PDE8A: variants seen among roughly 807,000 people sequenced by gnomAD.
PDE8A encodes the protein high affinity cAMP-specific and IBMX-insensitive 3',5'-cyclic phosphodiesterase 8A.
A neutral mutation model predicts 105.0 loss-of-function variants in PDE8A; 59 were observed. That is an observed-to-expected ratio of 0.56 (90% CI 0.46 to 0.70). The LOEUF (loss-of-function observed/expected upper bound fraction) is 0.70. Among genes scored for constraint, PDE8A ranks in the 30% least tolerant of loss-of-function variants. The pLI, the probability that PDE8A is intolerant of heterozygous loss-of-function variation, is 0.00. For synonymous variants in PDE8A, 355 were observed against 371.9 expected, an observed-to-expected ratio of 0.95 and a Z score of 0.52; for missense variants, 1,014 against 1,045.9, an observed-to-expected ratio of 0.97 and a Z score of 0.42.
chr15:85,064,543 A>C (rs1424476302), intron 2 of PDE8A, 117 bp downstream of exon 2: 2 of 670,684 alleles, frequency 3.0e-6, no homozygotes, highest in Admixed American at 2.7e-5. Context: ...GTTTGGACCA[A>C]TGTTAAATTC....
chr15:84,994,927 A>G (rs1596415155), intron 1 of PDE8A, among the ~76,000 whole-genome samples: 1 of 151,466 alleles, frequency 6.6e-6, no homozygotes, highest in Non-Finnish European at 1.5e-5. Flanking sequence ...ACACCATTGC[A>G]CTCCAGCCTG....
intron 11 of PDE8A, among the ~76,000 whole-genome samples, chr15:85,105,884 C>G (rs924877811): frequency 6.6e-6 from 1 of 152,156 alleles, no homozygotes; most frequent in Non-Finnish European, 1.5e-5. Flanking sequence ...ACTTCATCTT[C>G]AACCTCTTGG....
At chr15:85,045,933 C>T (rs933564224) in intron 1 of PDE8A, among the ~76,000 whole-genome samples, 7 of 152,008 alleles carry the variant, frequency 4.6e-5, no homozygotes, top group Non-Finnish European at 1.0e-4. Flanking sequence ...GTTTTGTATA[C>T]AATTAATGTA....
At chr15:85,062,716 A>G (rs1433068728) in intron 1 of PDE8A, 1 of 152,226 alleles carries the variant, frequency 6.6e-6, no homozygotes, top group Non-Finnish European at 1.5e-5. Context: ...GGTACCTGCT[A>G]TGTGCTAAGA....
At chr15:84,991,579 A>G (rs1414542338) in intron 1 of PDE8A, among the ~76,000 whole-genome samples, 1 of 152,208 alleles carries the variant, frequency 6.6e-6, no homozygotes, top group African/African-American at 2.4e-5. Flanking sequence ...TGACCCTGTG[A>G]CATAGCAGCT....
intron 1 of PDE8A, among the ~76,000 whole-genome samples, chr15:85,009,864 A>G (rs1369352525): frequency 6.6e-6 from 1 of 152,270 alleles, no homozygotes; most frequent in African/African-American, 2.4e-5. Flanking sequence ...CGTACTAGCT[A>G]AAAACTAGAA....
chr15:84,992,030 C>T (rs62022528), intron 1 of PDE8A, among the ~76,000 whole-genome samples: 29,708 of 152,216 alleles, frequency 0.2, 3,860 homozygotes, highest in Middle Eastern at 0.32. Context: ...GTAATACACA[C>T]ATAGGTGTTA....
chr15:85,006,782 G>A (rs781401452), intron 1 of PDE8A, among the ~76,000 whole-genome samples: 6 of 152,018 alleles, frequency 3.9e-5, no homozygotes, highest in Non-Finnish European at 8.8e-5. Flanking sequence ...GAGGGAATTA[G>A]GCTACTGTAT....
intron 11 of PDE8A, among the ~76,000 whole-genome samples, chr15:85,102,972 G>A (rs1250174983): frequency 1.3e-5 from 2 of 152,032 alleles, no homozygotes; most frequent in East Asian, 3.9e-4. Context: ...TCTAATCCTA[G>A]CACTTTGGGA....
intron 1 of PDE8A, among the ~76,000 whole-genome samples, chr15:84,998,444 G>A (rs2080014367): frequency 6.6e-6 from 1 of 152,214 alleles, no homozygotes; most frequent in Admixed American, 6.5e-5. Context: ...CAATAAAGAA[G>A]TTGAACACTT....
rs1025858688 is a variant in PDE8A, at chr15:85,002,702, C to G, written c.186+20354C>G. Among the ~76,000 whole-genome samples the G allele has an allele frequency of 2.0e-5, 3 of 152,144 alleles. No homozygotes were observed. In the East Asian group the frequency reaches 5.8e-4, roughly 29 times the overall value. On this transcript the variant is annotated intron_variant, in intron 1 of 21. Coordinates refer to ENST00000394553, the MANE Select transcript of PDE8A (RefSeq NM_002605.3). The stretch of plus-strand genomic sequence containing the variant: ...GGGGAGGTATGCTGAAAATCCCAAC[C>G]CTTTAATCCTGTGGTTGCTTGCTGT...
At chr15:85,130,539 C>T (rs1394409640) in intron 20 of PDE8A, among the ~76,000 whole-genome samples, 1 of 152,110 alleles carries the variant, frequency 6.6e-6, no homozygotes, top group Admixed American at 6.6e-5. Context: ...AAAATGTATA[C>T]TCTACTGTTG....
rs1428027543 is a variant in PDE8A at position 85,040,583 on chromosome 15, C to T, written c.187-23787C>T. Among the ~76,000 whole-genome samples the T allele has an allele frequency of 6.0e-4, 73 of 120,734 alleles. No homozygotes were observed. In the South Asian group the frequency reaches 0.017, roughly 29 times the overall value. The allele number at this position is 120,734 out of a possible 152,430, so 79.2% of individuals were successfully genotyped here. On this transcript the variant is annotated intron_variant, in intron 1 of 21. Coordinates refer to ENST00000394553, the MANE Select transcript of PDE8A (RefSeq NM_002605.3). ...ATGTATTTTTTTTTTTTTTTTGAGA[C>T]GGAGTCTGGGTCTGTCGTCCAGGCA...
intron 1 of PDE8A, among the ~76,000 whole-genome samples, chr15:84,999,034 T>C (rs778280702): frequency 6.6e-6 from 1 of 152,172 alleles, no homozygotes. Flanking sequence ...GTCTGACTTC[T>C]TGAACTCCAT....
chr15:85,039,972 T>C (rs1596465404), intron 1 of PDE8A, among the ~76,000 whole-genome samples: 1 of 152,078 alleles, frequency 6.6e-6, no homozygotes, highest in Non-Finnish European at 1.5e-5. Context: ...GATACACTGG[T>C]CAGAGGGCAC....
rs1791439166 is a variant in PDE8A at position 85,138,862 on chromosome 15, C to CT, written c.*960dup. On this transcript the variant is annotated 3_prime_UTR_variant, in exon 22 of 22. Transcript: ENST00000394553. ...ATAATTCAATTTCCAAAAGTCTACT[C>CT]TATTTTATACTGTTTCTACAAAATA... The CT allele has an allele frequency of 6.6e-6, 1 of 152,150 alleles. No homozygotes were observed. Among genetic ancestry groups the CT allele is most frequent in the Non-Finnish European group, 1.5e-5 (1 of 68,036 alleles). 9.4% of individuals were successfully genotyped at this position (152,150 alleles called of 1,614,324 possible). A position where few individuals can be genotyped will look rare whatever the true frequency, so the allele number is the denominator to read the frequency against.
chr15:84,994,396 T>C (rs2079941299), intron 1 of PDE8A, among the ~76,000 whole-genome samples: 1 of 152,250 alleles, frequency 6.6e-6, no homozygotes, highest in Non-Finnish European at 1.5e-5. Context: ...TTGATGAATT[T>C]TCCTCATGCT....
At chr15:85,059,094 A>G (rs1023921439) in intron 1 of PDE8A, among the ~76,000 whole-genome samples, 4 of 152,080 alleles carry the variant, frequency 2.6e-5, no homozygotes, top group Admixed American at 6.6e-5. Context: ...GTTTTCATTC[A>G]TCTCCAAGTA....
intron 7 of PDE8A, 184 bp from the exon 8 acceptor site, chr15:85,090,860 G>A (rs878936065): frequency 2.6e-5 from 17 of 661,510 alleles, no homozygotes; most frequent in South Asian, 1.1e-4. Flanking sequence ...GCAGAAGCTC[G>A]TCTGGGCTCC....
Sources: allele counts gnomAD v4.1 joint callset (sites outside exome capture counted in the v4.1 genomes callset), GRCh38; gene constraint gnomAD v4.1.1; transcripts MANE v1.5; gene names NCBI Gene and HGNC (gene_info 2026-07-23, HGNC 2026-07-21).